DNAH12: variants seen among roughly 807,000 people sequenced by gnomAD.
DNAH12 encodes dynein axonemal heavy chain 12, also known as axonemal beta dynein heavy chain 12.
DNAH12 carries 285 observed loss-of-function variants against 371.5 expected under a neutral mutation model. The observed-to-expected ratio is 0.77, with a 90% CI of 0.70 to 0.85. The LOEUF (loss-of-function observed/expected upper bound fraction) is 0.85. Ranked by LOEUF, DNAH12 falls within the 40% of genes least tolerant of loss-of-function variation. The pLI, the probability that DNAH12 is intolerant of heterozygous loss-of-function variation, is 0.00. For synonymous variants in DNAH12, 1,200 were observed against 1,213.0 expected (o/e 0.99, Z 0.22); for missense variants, 3,611 against 3,689.4 (o/e 0.98, Z 0.55).
chr3:57,310,016 A>C (rs1424691081), intron 67 of DNAH12, among the ~76,000 whole-genome samples, 162 bp from the exon 68 acceptor site: 1 of 152,190 alleles, frequency 6.6e-6, no homozygotes, highest in Non-Finnish European at 1.5e-5. Context: ...CCCTCCCCTT[A>C]TCTGTCTAAA....
chr3:57,413,881 C>T lies in DNAH12; in HGVS notation c.5885G>A (p.Arg1962His), dbSNP rs782220498. Reference sequence around the variant, plus strand: ...CATAGGTGGTCCAAAGACTCCTTTGCGTCTTTTATCCAATCTAGCCATGAT... The same window carrying T: ...CATAGGTGGTCCAAAGACTCCTTTGTGTCTTTTATCCAATCTAGCCATGAT... ...NIIMARLDKRRKGVFGPPMGK... is the reference protein window; with the variant it reads ...NIIMARLDKRHKGVFGPPMGK... Residue 1962 changes from arginine to histidine, a missense_variant, in exon 39 of 74, where the codon CGC becomes CAC. Physicochemically the swap from Arg to His is conservative, Grantham distance 29. This residue lies in a region of DNAH12 where 2,266 missense variants were observed against 2,236.9 expected (regional missense o/e 1.01). Coordinates refer to ENST00000495027, the MANE Select transcript of DNAH12 (RefSeq NM_001366028.2). The T allele has an allele frequency of 3.5e-5, 54 of 1,550,656 alleles. No homozygotes were observed. Among genetic ancestry groups the T allele is most frequent in the East Asian group, 1.2e-4 (5 of 40,802 alleles).
upstream of DNAH12, among the ~76,000 whole-genome samples, chr3:57,547,870 G>C (rs990625885): frequency 1.3e-5 from 2 of 152,084 alleles, no homozygotes; most frequent in African/African-American, 4.8e-5. Flanking sequence ...TTCTTATTCA[G>C]TCCAACTTAA....
chr3:57,513,565 ATG>A (rs1294670818), intron 4 of DNAH12, among the ~76,000 whole-genome samples: 2 of 152,250 alleles, frequency 1.3e-5, no homozygotes, highest in Non-Finnish European at 2.9e-5. Context: ...GTTTTATGTT[ATG>A]TGTATTTTAT....
chr3:57,515,668 A>T (rs1386933000), intron 4 of DNAH12, among the ~76,000 whole-genome samples: 6 of 152,012 alleles, frequency 3.9e-5, no homozygotes, highest in African/African-American at 1.4e-4. Flanking sequence ...TAAAGTAAAA[A>T]TCTATAGTCC....
chr3:57,471,448 T>C (rs376235049), intron 15 of DNAH12, 24 bp downstream of exon 15: 3 of 1,521,590 alleles, frequency 2.0e-6, no homozygotes, highest in Non-Finnish European at 2.6e-6. Flanking sequence ...TGGCCATAGC[T>C]ATTGTCTCAT....
At chr3:57,490,010 T>G (rs950337027) in intron 11 of DNAH12, among the ~76,000 whole-genome samples, 2 of 152,202 alleles carry the variant, frequency 1.3e-5, no homozygotes, top group African/African-American at 4.8e-5. Context: ...AGAAACAAAC[T>G]TATATCATGT....
chr3:57,338,137 C>T (rs550201830), intron 60 of DNAH12, among the ~76,000 whole-genome samples: 2 of 152,186 alleles, frequency 1.3e-5, no homozygotes, highest in African/African-American at 4.8e-5. Flanking sequence ...CTCGGCCTGC[C>T]GAGTGCCTGG....
intron 45 of DNAH12, among the ~76,000 whole-genome samples, chr3:57,389,798 A>ATGTG (rs1211815764): frequency 0.022 from 2,000 of 91,354 alleles, 84 homozygotes; most frequent in Non-Finnish European, 0.029. Flanking sequence ...ATATACACAT[A>ATGTG]TGTGTGTGTG....
chr3:57,470,149 A>G (rs988707463), intron 16 of DNAH12, among the ~76,000 whole-genome samples: 1 of 152,066 alleles, frequency 6.6e-6, no homozygotes, highest in Non-Finnish European at 1.5e-5. Flanking sequence ...TTTTCATGTC[A>G]GAAGGGTAAT....
chr3:57,353,489 T>C (rs1468107762), intron 59 of DNAH12, among the ~76,000 whole-genome samples: 2 of 152,138 alleles, frequency 1.3e-5, no homozygotes, highest in Non-Finnish European at 2.9e-5. Flanking sequence ...GAGATGGGGT[T>C]TCACTATGTT....
intron 43 of DNAH12, among the ~76,000 whole-genome samples, chr3:57,403,108 A>C (rs1488263094): frequency 6.6e-6 from 1 of 152,184 alleles, no homozygotes; most frequent in African/African-American, 2.4e-5. Context: ...CTATAGAATG[A>C]GATCATGTAG....
intron 62 of DNAH12, among the ~76,000 whole-genome samples, chr3:57,330,575 A>AG (rs2062071655): frequency 1.6e-5 from 1 of 62,512 alleles, no homozygotes; most frequent in African/African-American, 6.5e-5. Context: ...GGGTGGGGGG[A>AG]GGGGGGAAGG....
intron 5 of DNAH12, among the ~76,000 whole-genome samples, chr3:57,510,161 C>T (rs1314433869): frequency 6.6e-6 from 1 of 151,508 alleles, no homozygotes; most frequent in Non-Finnish European, 1.5e-5. Context: ...ATAAATCTCC[C>T]AAAACATATT....
intron 5 of DNAH12, among the ~76,000 whole-genome samples, 176 bp from the exon 6 acceptor site, chr3:57,509,388 G>C (rs1399538294): frequency 6.6e-6 from 1 of 152,100 alleles, no homozygotes; most frequent in Non-Finnish European, 1.5e-5. Flanking sequence ...GGCCTTACTT[G>C]AGAGTTCAGA....
At chr3:57,372,365 A>C (rs1457759518) in intron 55 of DNAH12, among the ~76,000 whole-genome samples, 2 of 152,102 alleles carry the variant, frequency 1.3e-5, no homozygotes, top group African/African-American at 2.4e-5. Context: ...GACATTCTTC[A>C]GGCAGAAGAA....
At chr3:57,446,338 C>A in intron 26 of DNAH12, 68 bp from the exon 27 acceptor site, 1 of 1,473,622 alleles carries the variant, frequency 6.8e-7, no homozygotes, top group South Asian at 1.4e-5. Context: ...AAACAAATAC[C>A]TAATATTTTA....
intron 60 of DNAH12, among the ~76,000 whole-genome samples, chr3:57,348,507 T>C (rs1260924833): frequency 1.3e-5 from 2 of 152,202 alleles, no homozygotes; most frequent in Middle Eastern, 3.2e-3. Flanking sequence ...TTAGGAGTGA[T>C]AATGATATGT....
At chr3:57,385,097 C>T (rs2063475172) in intron 48 of DNAH12, 92 bp from the exon 49 acceptor site, 1 of 152,168 alleles carries the variant, frequency 6.6e-6, no homozygotes, top group Admixed American at 6.5e-5. Context: ...GGGAATCTAA[C>T]ATATCATTTT....
intron 62 of DNAH12, among the ~76,000 whole-genome samples, chr3:57,326,272 T>C (rs2061943691): frequency 6.6e-6 from 1 of 151,452 alleles, no homozygotes; most frequent in Admixed American, 6.6e-5. Context: ...TTCACCAAAG[T>C]TGAAATGAAG....
Sources: allele counts gnomAD v4.1 joint callset (sites outside exome capture counted in the v4.1 genomes callset), GRCh38; gene constraint gnomAD v4.1.1; regional missense constraint gnomAD v4.1.1; transcripts MANE v1.5; gene names NCBI Gene and HGNC (gene_info 2026-07-23, HGNC 2026-07-21).